NUP98: variants seen among roughly 807,000 people sequenced by gnomAD.
NUP98 encodes the protein nuclear pore complex protein Nup98-Nup96.
In NUP98, 26 loss-of-function variants were observed where a neutral mutation model predicts 191.9. The observed-to-expected ratio is 0.14, with a 90% confidence interval of 0.10 to 0.19. NUP98 has a LOEUF of 0.19. Among genes scored for constraint, NUP98 ranks in the 10% least tolerant of loss-of-function variants. The pLI is 1.00. For missense variants in NUP98, 1,941 were observed against 2,178.8 expected, an observed-to-expected ratio of 0.89 and a Z score of 2.17; for synonymous variants, 808 against 778.4, an observed-to-expected ratio of 1.04 and a Z score of -0.63.
At position 3,675,797 on chromosome 11, in the gene NUP98, T is replaced by C. The variant is rs1367862106; in HGVS notation, c.*362A>G. Reference sequence around the variant, plus strand: ...TAGTATAAAAGGGCCAGGGTAGGAGTAGGGAAGCTGGTTGGCATGGAGGGT... The same window carrying C: ...TAGTATAAAAGGGCCAGGGTAGGAGCAGGGAAGCTGGTTGGCATGGAGGGT... On this transcript the variant is annotated 3_prime_UTR_variant, in exon 33 of 33. Transcript: ENST00000324932. The C allele has an allele frequency of 2.6e-6, 1 of 382,522 alleles. No homozygotes were observed. Among genetic ancestry groups the C allele is most frequent in the African/African-American group, 2.0e-5 (1 of 49,828 alleles). The allele number at this position is 382,522 out of a possible 1,614,324, so 23.7% of individuals were successfully genotyped here. A position where few individuals can be genotyped will look rare whatever the true frequency, so the allele number is the denominator to read the frequency against.
At chr11:3,781,986 G>C in intron 2 of NUP98, 56 bp downstream of exon 2, 1 of 1,180,756 alleles carries the variant, frequency 8.5e-7, no homozygotes, top group Non-Finnish European at 1.2e-6. Context: ...GAGTGGATTT[G>C]TTCTTAGTAA....
At chr11:3,694,995 G>A (rs1395877199) in intron 26 of NUP98, among the ~76,000 whole-genome samples, 1 of 152,098 alleles carries the variant, frequency 6.6e-6, no homozygotes, top group African/African-American at 2.4e-5. Flanking sequence ...CAACATATAT[G>A]TGGATGTAGA....
chr11:3,749,950 C>T (rs1342326753), intron 11 of NUP98, among the ~76,000 whole-genome samples: 2 of 152,162 alleles, frequency 1.3e-5, no homozygotes, highest in African/African-American at 2.4e-5. Context: ...TGCGTATATT[C>T]CAACACTGCA....
chr11:3,744,816 A>G (rs1017124616), intron 11 of NUP98, among the ~76,000 whole-genome samples, 167 bp from the exon 12 acceptor site: 1 of 152,266 alleles, frequency 6.6e-6, no homozygotes, highest in Admixed American at 6.5e-5. Context: ...TACTGCGCTC[A>G]GTACATTATA....
intron 7 of NUP98, among the ~76,000 whole-genome samples, chr11:3,770,097 C>G (rs181031829): frequency 6.6e-6 from 1 of 150,748 alleles, no homozygotes; most frequent in East Asian, 2.0e-4. Flanking sequence ...ATAATCCCAG[C>G]GCTTTGGGAG....
Position 3,699,190 on chromosome 11 carries a change from T to A in NUP98, c.3901A>T (p.Ile1301Phe), listed in dbSNP as rs769943756. 2 of 1,614,154 alleles carry A rather than the reference T, an allele frequency of 1.2e-6. No individual in the cohort carries two copies. Among genetic ancestry groups the A allele is most frequent in the Non-Finnish European group, 1.7e-6 (2 of 1,180,030 alleles). The change falls in exon 25 of 33, where the codon ATT (isoleucine) becomes TTT (phenylalanine). Residue 1301 changes from isoleucine (I) to phenylalanine (F), a missense_variant. Coordinates refer to ENST00000324932, the MANE Select transcript of NUP98 (RefSeq NM_016320.5). ...TGGGTTAAGGAGACTTCCTCTTCAATCTGAGGTGTGGCAGTACAGGATAGC... is the reference window on the plus strand; with the variant it reads ...TGGGTTAAGGAGACTTCCTCTTCAAACTGAGGTGTGGCAGTACAGGATAGC... ...RWLSCTATPQ[I>F]EEEVSLTQKN... is the part of the protein sequence containing the mutation.
intron 21 of NUP98, among the ~76,000 whole-genome samples, chr11:3,705,750 T>C (rs916900871): frequency 4.6e-5 from 7 of 152,186 alleles, no homozygotes; most frequent in African/African-American, 1.7e-4. Flanking sequence ...GTGGAGCACA[T>C]ACAGAGTCTT....
intron 14 of NUP98, among the ~76,000 whole-genome samples, chr11:3,729,429 G>A (rs1448744000): frequency 6.6e-6 from 1 of 150,732 alleles, no homozygotes; most frequent in South Asian, 2.1e-4. Flanking sequence ...TAAGACGGTT[G>A]ATAGGTAGCT....
At chr11:3,712,259 A>T (rs1430921938) in intron 20 of NUP98, 10 of 1,144,416 alleles carry the variant, frequency 8.7e-6, no homozygotes, top group Non-Finnish European at 9.7e-6. Flanking sequence ...CCACATGAGC[A>T]AATCTTAAGT....
chr11:3,782,891 T>A (rs1443250437), intron 1 of NUP98, among the ~76,000 whole-genome samples: 2 of 152,118 alleles, frequency 1.3e-5, no homozygotes, highest in African/African-American at 2.4e-5. Context: ...CATTATAAAG[T>A]TTCTTTCTCC....
intron 14 of NUP98, among the ~76,000 whole-genome samples, chr11:3,727,714 C>T (rs775814275): frequency 2.6e-5 from 4 of 151,964 alleles, no homozygotes; most frequent in Non-Finnish European, 4.4e-5. Flanking sequence ...AGTAGGAACA[C>T]GACTCTACAG....
In NUP98 at chr11:3,797,417, G is replaced by A. The variant is rs895093243; in HGVS notation, c.-46C>T. ...CGACTTACCGCGGTTCGGTGGGGAA[G>A]GGGAAGTGTCAGGAGTCCCCTGCTG... On this transcript the variant is annotated 5_prime_UTR_variant, in exon 1 of 33. Transcript: ENST00000324932. 2 of 404,284 alleles carry A rather than the reference G, an allele frequency of 4.9e-6. No individual in the cohort carries two copies. The highest frequency in any genetic ancestry group is 8.7e-6 in the Non-Finnish European group (2 of 229,184). 25.0% of individuals were successfully genotyped at this position (404,284 alleles called of 1,614,324 possible).
Position 3,705,157 on chromosome 11 carries a change from G to A in NUP98, c.3082+43C>T, listed in dbSNP as rs765833316. On this transcript the variant is annotated intron_variant, in intron 22 of 32. Transcript: ENST00000324932. Reference sequence around the variant, plus strand: ...AGAAAAGTGAAAAGCAGGACTTGATGACTGTACAGCTTTCTTGTAAAATAG... The same window carrying A: ...AGAAAAGTGAAAAGCAGGACTTGATAACTGTACAGCTTTCTTGTAAAATAG... 3.8e-6 allele frequency: 6 copies of A among 1,592,238 alleles called. No individual in the cohort carries two copies. The East Asian group carries it at 1.1e-4, about 30-fold the overall frequency.
chr11:3,677,678 C>T (rs1245245132), intron 31 of NUP98, among the ~76,000 whole-genome samples: 2 of 152,094 alleles, frequency 1.3e-5, no homozygotes. Context: ...TTTATATTCC[C>T]CAAACCCACT....
At chr11:3,764,440 C>T (rs780474465) in intron 8 of NUP98, among the ~76,000 whole-genome samples, 5 of 152,150 alleles carry the variant, frequency 3.3e-5, no homozygotes, top group Admixed American at 2.0e-4. Flanking sequence ...TATTTTTCTT[C>T]GGTAAATCCC....
intron 8 of NUP98, among the ~76,000 whole-genome samples, chr11:3,764,686 C>G (rs1205139844): frequency 2.6e-5 from 4 of 152,216 alleles, no homozygotes; most frequent in East Asian, 1.9e-4. Flanking sequence ...TCAAGAGATT[C>G]TCCTGCCTCA....
At chr11:3,762,200 C>T (rs1235114360) in intron 9 of NUP98, among the ~76,000 whole-genome samples, 1 of 151,938 alleles carries the variant, frequency 6.6e-6, no homozygotes, top group African/African-American at 2.4e-5. Flanking sequence ...ACCTCCACTT[C>T]CTGGGTTCAA....
chr11:3,703,327 T>G (rs2078766882), intron 22 of NUP98, among the ~76,000 whole-genome samples: 1 of 151,862 alleles, frequency 6.6e-6, no homozygotes, highest in African/African-American at 2.4e-5. Context: ...AGCAATTCTC[T>G]GCCTCAGCCT....
chr11:3,776,837 C>G (rs76947832), intron 4 of NUP98, among the ~76,000 whole-genome samples: 7,709 of 152,158 alleles, frequency 0.051, 257 homozygotes, highest in Middle Eastern at 0.099. Flanking sequence ...AGGCTCACAA[C>G]TTTCAAGTGA....
Sources: gnomAD v4.1 joint callset for allele counts (sites outside exome capture counted in the v4.1 genomes callset) on GRCh38, gnomAD v4.1.1 for gene constraint, MANE v1.5 for transcripts, NCBI Gene and HGNC (gene_info 2026-07-23, HGNC 2026-07-21) for gene names.